The following NPR3 variants were observed in gnomAD, a reference collection of about 807,000 sequenced individuals.
The protein encoded by NPR3 is natriuretic peptide receptor 3.
In NPR3, 34 loss-of-function variants were observed where a neutral mutation model predicts 54.5. The ratio of observed to expected loss-of-function variants is 0.62; its 90% CI spans 0.47 to 0.83. The LOEUF (loss-of-function observed/expected upper bound fraction) is 0.83, where lower values mean the gene tolerates loss of function less well. Ranked by LOEUF, NPR3 falls within the 40% of genes least tolerant of loss-of-function variation. The pLI, the probability that NPR3 is intolerant of heterozygous loss-of-function variation, is 0.00. For synonymous variants in NPR3, 289 were observed against 297.1 expected (o/e 0.97, Z 0.28); for missense variants, 674 against 720.8 (o/e 0.94, Z 0.74).
chr5:32,740,435 G>C (rs930023744), intron 3 of NPR3, among the ~76,000 whole-genome samples: 1 of 152,008 alleles, frequency 6.6e-6, no homozygotes, highest in Non-Finnish European at 1.5e-5. Context: ...GACATACAAA[G>C]GTTCTTATAA....
At chr5:32,703,395 C>G (rs1737882141) in intron 1 of NPR3, among the ~76,000 whole-genome samples, 2 of 151,206 alleles carry the variant, frequency 1.3e-5, no homozygotes, top group African/African-American at 4.9e-5. Flanking sequence ...CTTTACTATT[C>G]CCTTTCCTTT....
intron 3 of NPR3, among the ~76,000 whole-genome samples, chr5:32,768,864 G>C (rs562176450): frequency 2.6e-5 from 4 of 152,228 alleles, no homozygotes; most frequent in Admixed American, 2.6e-4. Context: ...GGGGGAGCAA[G>C]AAGTATGCCA....
chr5:32,741,792 C>G (rs12657217), intron 3 of NPR3, among the ~76,000 whole-genome samples: 34,342 of 150,546 alleles, frequency 0.23, 3,947 homozygotes, highest in South Asian at 0.31. Flanking sequence ...TGAGATGAGG[C>G]CTCCCTGTGT....
At position 32,789,976 on chromosome 5, in the gene NPR3, G is replaced by A. The variant is rs1211607806; in HGVS notation, c.*3631G>A. ...TCAGATCCTGAGTGGATGCAGACAT[G>A]AGAGTAAATGTCAGCCCAAATTAGG... On this transcript the variant is annotated 3_prime_UTR_variant, in exon 8 of 8. Transcript: ENST00000265074. The A allele has an allele frequency of 3.4e-6, 1 of 294,460 alleles. No homozygotes were observed. The highest frequency in any genetic ancestry group is 2.2e-5 in the African/African-American group (1 of 45,722). The allele number at this position is 294,460 out of a possible 1,614,324, so 18.2% of individuals were successfully genotyped here.
upstream of NPR3, among the ~76,000 whole-genome samples, chr5:32,706,619 C>T (rs978662759): frequency 1.3e-5 from 2 of 152,180 alleles, no homozygotes; most frequent in African/African-American, 2.4e-5. Context: ...GAGACTTCTT[C>T]CCCACCACGA....
At chr5:32,765,550 C>T (rs1044763705) in intron 3 of NPR3, among the ~76,000 whole-genome samples, 6 of 152,124 alleles carry the variant, frequency 3.9e-5, no homozygotes, top group African/African-American at 7.2e-5. Flanking sequence ...AGGGCTAGGT[C>T]CCAGTGTAAC....
chr5:32,739,856 C>G (rs1053767944), intron 3 of NPR3, among the ~76,000 whole-genome samples: 1 of 152,146 alleles, frequency 6.6e-6, no homozygotes. Flanking sequence ...CTACAGCATC[C>G]CAAATTGAAA....
At chr5:32,710,859 G>GTTTTTTTTTTTTTTTTTTTTTTTTT (rs56022335), upstream of NPR3, 7 of 979,764 alleles carry the variant, frequency 7.1e-6, no homozygotes, top group Admixed American at 8.2e-5. Flanking sequence ...CCCAGTCCTG[G>GTTTTTTTTTTTTTTTTTTTTTTTTT]TTTTTTTTTT....
intron 3 of NPR3, among the ~76,000 whole-genome samples, chr5:32,761,281 A>G (rs192676114): frequency 1.2e-3 from 188 of 152,254 alleles, no homozygotes; most frequent in Middle Eastern, 3.4e-3. Flanking sequence ...GAAAACTGAC[A>G]TCTTAAATAT....
chr5:32,749,490 G>A (rs1432875506), intron 3 of NPR3, among the ~76,000 whole-genome samples: 1 of 152,136 alleles, frequency 6.6e-6, no homozygotes, highest in Non-Finnish European at 1.5e-5. Context: ...AGCTCTGTGT[G>A]TATGAGTGGA....
intron 3 of NPR3, among the ~76,000 whole-genome samples, chr5:32,772,708 C>A (rs910669401): frequency 2.0e-5 from 3 of 152,190 alleles, no homozygotes; most frequent in African/African-American, 7.2e-5. Context: ...CATCTCTAGA[C>A]AATTACAGCA....
intron 4 of NPR3, among the ~76,000 whole-genome samples, chr5:32,779,897 C>T (rs183677593): frequency 5.9e-5 from 9 of 152,184 alleles, no homozygotes; most frequent in African/African-American, 2.2e-4. Flanking sequence ...TAATCTTCTC[C>T]AAAGCCTCTT....
rs2111842031 is a variant in NPR3, at chr5:32,712,303, G to A, written c.527G>A (p.Arg176His). ...GACTCTGAGTACTCGCACCTCACGC[G>A]CGTGGCGCCCGCCTACGCCAAGATG... ...HKDSEYSHLT[R>H]VAPAYAKMGE... is the part of the protein sequence containing the mutation. Residue 176 changes from arginine to histidine, a missense_variant, in exon 1 of 8, where the codon CGC (arginine) becomes CAC (histidine). Physicochemically the swap from Arg to His is conservative, Grantham distance 29. Transcript: ENST00000265074. The A allele has an allele frequency of 6.2e-7, 1 of 1,613,248 alleles. No individual in the cohort carries two copies. Among genetic ancestry groups the A allele is most frequent in the Non-Finnish European group, 8.5e-7 (1 of 1,179,788 alleles).
intron 3 of NPR3, among the ~76,000 whole-genome samples, chr5:32,749,089 G>A (rs1038942495): frequency 1.3e-5 from 2 of 151,946 alleles, no homozygotes; most frequent in East Asian, 3.8e-4. Context: ...ATCTTTCTGA[G>A]TGCATGCTTT....
intron 3 of NPR3, among the ~76,000 whole-genome samples, chr5:32,741,156 C>T (rs78621856): frequency 0.037 from 5,552 of 152,036 alleles, 123 homozygotes; most frequent in Middle Eastern, 0.092. Flanking sequence ...TGGTGGCTGA[C>T]GTCTGTAATC....
At chr5:32,702,514 GT>G (rs895566972) in intron 1 of NPR3, among the ~76,000 whole-genome samples, 3 of 148,218 alleles carry the variant, frequency 2.0e-5, no homozygotes, top group Non-Finnish European at 3.0e-5. Context: ...GCGGTGTTTG[GT>G]TTTTTTTGTC....
upstream of NPR3, among the ~76,000 whole-genome samples, chr5:32,708,532 G>A (rs1738058031): frequency 6.6e-6 from 1 of 152,090 alleles, no homozygotes; most frequent in African/African-American, 2.4e-5. Flanking sequence ...GATGTAACTG[G>A]TGGTCCTTGG....
chr5:32,724,943 T>A, intron 2 of NPR3, 123 bp downstream of exon 2: 1 of 1,075,662 alleles, frequency 9.3e-7, no homozygotes, highest in Non-Finnish European at 1.3e-6. Context: ...CTATGCAGCT[T>A]TATAAAACAA....
intron 3 of NPR3, among the ~76,000 whole-genome samples, chr5:32,772,484 A>G (rs1741820707): frequency 6.6e-6 from 1 of 152,178 alleles, no homozygotes; most frequent in Non-Finnish European, 1.5e-5. Flanking sequence ...GACCACTTGA[A>G]CTGCACTTGT....
Sources: allele counts gnomAD v4.1 joint callset (sites outside exome capture counted in the v4.1 genomes callset), GRCh38; gene constraint gnomAD v4.1.1; transcripts MANE v1.5; gene names NCBI Gene and HGNC (gene_info 2026-07-23, HGNC 2026-07-21).